The following PDCD11 variants were observed in gnomAD, a reference collection of about 807,000 sequenced individuals.
The protein encoded by PDCD11 is programmed cell death 11.
In PDCD11, 97 loss-of-function variants were observed where a neutral mutation model predicts 198.9. That is an observed-to-expected ratio of 0.49 (90% CI 0.41 to 0.58). PDCD11 has a LOEUF of 0.58. PDCD11 is among the 20% of genes least tolerant of loss of function. The pLI is 0.00. For synonymous variants in PDCD11, 893 were observed against 918.0 expected (o/e 0.97, Z 0.49); for missense variants, 2,102 against 2,312.7 (o/e 0.91, Z 1.87).
chr10:103,422,964 G>A (rs774642909), intron 17 of PDCD11, 24 bp from the exon 18 acceptor site: 32 of 1,473,408 alleles, frequency 2.2e-5, no homozygotes, highest in South Asian at 2.1e-4. Context: ...GTACTAATCC[G>A]TGTTTCCTTT....
chr10:103,421,231 G>GGGGA, intron 16 of PDCD11, 117 bp from the exon 17 acceptor site: 1 of 740,884 alleles, frequency 1.3e-6, no homozygotes, highest in East Asian at 2.7e-5. Context: ...AGAGGGCTTG[G>GGGGA]GGGAGCTTCC....
intron 7 of PDCD11, among the ~76,000 whole-genome samples, chr10:103,408,720 T>TG (rs2030612970): frequency 6.6e-6 from 1 of 151,964 alleles, no homozygotes; most frequent in African/African-American, 2.4e-5. Context: ...TTTGTATTTT[T>TG]GTAGAGACAG....
At chr10:103,406,535 A>G in intron 6 of PDCD11, 74 bp from the exon 7 acceptor site, 1 of 1,371,014 alleles carries the variant, frequency 7.3e-7, no homozygotes, top group African/African-American at 1.4e-5. Context: ...CTTTTCAGGT[A>G]TTACTTGGGC....
At chr10:103,418,895 G>A (rs1307329040) in intron 15 of PDCD11, among the ~76,000 whole-genome samples, 1 of 152,172 alleles carries the variant, frequency 6.6e-6, no homozygotes. Context: ...CCAGTGGGGT[G>A]CTTGGGAGCA....
chr10:103,419,771 G>A (rs2031320055), intron 16 of PDCD11, 63 bp downstream of exon 16: 6 of 1,458,110 alleles, frequency 4.1e-6, no homozygotes, highest in South Asian at 2.4e-5. Flanking sequence ...ACCTGAGGGC[G>A]GGTAGGGAGG....
chr10:103,430,846 T>G (rs1328107105), intron 21 of PDCD11, among the ~76,000 whole-genome samples: 7 of 152,008 alleles, frequency 4.6e-5, no homozygotes, highest in African/African-American at 1.7e-4. Context: ...TTGCCCAGGC[T>G]AGAGTGCAAT....
intron 11 of PDCD11, among the ~76,000 whole-genome samples, 165 bp from the exon 12 acceptor site, chr10:103,414,840 C>T (rs1215719412): frequency 6.6e-6 from 1 of 152,146 alleles, no homozygotes; most frequent in Non-Finnish European, 1.5e-5. Flanking sequence ...CAGAATAATC[C>T]AGCTCAGTGT....
Position 103,439,731 on chromosome 10 carries a change from C to T in PDCD11, c.4026-15C>T. 1 of 1,614,134 alleles carries T rather than the reference C, an allele frequency of 6.2e-7. No individual in the cohort carries two copies. Among genetic ancestry groups the T allele is most frequent in the South Asian group, 1.1e-5 (1 of 91,080 alleles). ...TGCATTTGTGACCACAGGACTCTTG[C>T]CTCTCTCCTTTCAGCCTTGGCCCCT... On this transcript the variant is annotated splice_polypyrimidine_tract_variant and intron_variant, in intron 27 of 35. Coordinates refer to ENST00000369797, the MANE Select transcript of PDCD11 (RefSeq NM_014976.2).
In PDCD11 at chr10:103,438,692, C is replaced by T. The variant is rs757104569; in HGVS notation, c.3909C>T (p.Asn1303=). ...AAGCCTTTTATTCCTTTAGAACAAA[C>T]CCGGAGACGAAAAGCAAAGTAGAAG... is the stretch of plus-strand genomic sequence containing the variant. ...LTLSLRSSRT[N]PETKSKVEDP... is the part of the protein sequence containing the mutation. The change falls in exon 27 of 36, where the codon AAC becomes AAT. Residue 1303 remains asparagine, a synonymous_variant. Coordinates refer to ENST00000369797, the MANE Select transcript of PDCD11 (RefSeq NM_014976.2). The T allele has an allele frequency of 1.9e-6, 3 of 1,614,016 alleles. No individual in the cohort carries two copies. Among genetic ancestry groups the T allele is most frequent in the Non-Finnish European group, 2.5e-6 (3 of 1,180,032 alleles).
At chr10:103,401,741 A>T (rs904591192) in intron 3 of PDCD11, among the ~76,000 whole-genome samples, 5 of 146,294 alleles carry the variant, frequency 3.4e-5, no homozygotes, top group African/African-American at 7.5e-5. Flanking sequence ...GAAAACTAAA[A>T]TTTTTTTTTT....
chr10:103,442,341 G>T lies in PDCD11; in HGVS notation c.4836G>T (p.Val1612=), dbSNP rs2032421319. 6.2e-7 allele frequency: 1 copy of T among 1,614,232 alleles called. No individual in the cohort carries two copies. Among genetic ancestry groups the T allele is most frequent in the Non-Finnish European group, 8.5e-7 (1 of 1,180,044 alleles). Residue 1612 remains valine, a synonymous_variant, in exon 32 of 36, where the codon GTG becomes GTT. Transcript: ENST00000369797. ...PESADDFDRL[V]LSSPNSSILW... is the part of the protein sequence containing the mutation. ...CCGCGGATGATTTTGACCGACTGGT[G>T]CTGAGCTCCCCCAACAGCTCCATTC...
chr10:103,442,507 C>G (rs1228088834), intron 32 of PDCD11, 47 bp downstream of exon 32: 15 of 1,585,730 alleles, frequency 9.5e-6, no homozygotes, highest in Non-Finnish European at 1.2e-5. Context: ...ACGTTCTGGG[C>G]TGGGAAGTTT....
At chr10:103,418,667 A>G (rs766482665) in intron 15 of PDCD11, 33 bp downstream of exon 15, 2 of 1,578,728 alleles carry the variant, frequency 1.3e-6, no homozygotes, top group Admixed American at 3.4e-5. Context: ...GAGCAGAGGA[A>G]GGTGGGGGGC....
Position 103,403,104 on chromosome 10 carries a change from T to C in PDCD11, c.235-14T>C, listed in dbSNP as rs746640530. The C allele has an allele frequency of 6.2e-7, 1 of 1,612,744 alleles. No individual in the cohort carries two copies. The highest frequency in any genetic ancestry group is 8.5e-7 in the Non-Finnish European group (1 of 1,178,940). ...CCCATCCTTATTGTACACATTTCAC[T>C]TTTTCTCTTCTAGTCCCTGTGTGAG... On this transcript the variant is annotated splice_polypyrimidine_tract_variant and intron_variant, in intron 3 of 35. Coordinates refer to ENST00000369797, the MANE Select transcript of PDCD11 (RefSeq NM_014976.2).
At chr10:103,439,504 T>C (rs2032288038) in intron 27 of PDCD11, among the ~76,000 whole-genome samples, 1 of 152,190 alleles carries the variant, frequency 6.6e-6, no homozygotes, top group Admixed American at 6.5e-5. Flanking sequence ...TCCTAGCAGT[T>C]TGTGATTTAT....
Position 103,400,492 on chromosome 10 carries a change from G to A in PDCD11, c.198G>A (p.Lys66=), listed in dbSNP as rs1172769828. Residue 66 remains lysine, a synonymous_variant, in exon 3 of 36, where the codon AAG becomes AAA. Transcript: ENST00000369797. ...AAATCGAAAAGAGAGAAAGCAGCAA[G>A]TCCGCAAGAGAGAAGTTTGAAATCC... ...KLKIEKRESS[K]SAREKFEILS... The A allele has an allele frequency of 6.2e-7, 1 of 1,613,980 alleles. No homozygotes were observed.
intron 12 of PDCD11, 133 bp downstream of exon 12, chr10:103,415,284 G>C: frequency 1.1e-6 from 1 of 881,232 alleles, no homozygotes; most frequent in Non-Finnish European, 1.8e-6. Flanking sequence ...CCTGGCATTG[G>C]GAAGAGAAAA....
chr10:103,435,070 C>A, intron 25 of PDCD11, 95 bp downstream of exon 25: 1 of 886,598 alleles, frequency 1.1e-6, no homozygotes, highest in Non-Finnish European at 1.6e-6. Flanking sequence ...ATCAGAAAAA[C>A]AGGTATATGA....
chr10:103,403,063 C>G, intron 3 of PDCD11, 55 bp from the exon 4 acceptor site: 1 of 1,525,876 alleles, frequency 6.6e-7, no homozygotes, highest in Non-Finnish European at 9.1e-7. Context: ...ACCTTCCAAC[C>G]TTCCCTATTG....
Sources: allele counts gnomAD v4.1 joint callset (sites outside exome capture counted in the v4.1 genomes callset), GRCh38; gene constraint gnomAD v4.1.1; transcripts MANE v1.5; gene names NCBI Gene and HGNC (gene_info 2026-07-23, HGNC 2026-07-21).